The following RCOR1 variants were observed in gnomAD, a reference collection of about 807,000 sequenced individuals.
RCOR1 encodes the protein REST corepressor 1, also known as REST corepressor.
RCOR1 carries 12 observed loss-of-function variants against 64.0 expected under a neutral mutation model. That is an observed-to-expected ratio of 0.19 (90% CI 0.12 to 0.30). The LOEUF is 0.30. Among genes scored for constraint, RCOR1 ranks in the 10% least tolerant of loss-of-function variants. RCOR1 has a pLI of 1.00. For missense variants in RCOR1, 502 were observed against 621.2 expected (o/e 0.81, Z 2.04); for synonymous variants, 279 against 227.2 (o/e 1.23, Z -2.05).
intron 2 of RCOR1, among the ~76,000 whole-genome samples, chr14:102,639,625 C>T (rs1044417421): frequency 2.7e-5 from 4 of 150,576 alleles, no homozygotes; most frequent in African/African-American, 9.8e-5. Flanking sequence ...CTTCCTCCTC[C>T]TGGGTTCAAG....
intron 2 of RCOR1, among the ~76,000 whole-genome samples, chr14:102,666,668 GAA>G (rs1180658459): frequency 6.6e-6 from 1 of 152,140 alleles, no homozygotes; most frequent in East Asian, 1.9e-4. Flanking sequence ...GTACTAATCA[GAA>G]ATTTTGCAGG....
rs539503884 is a variant in RCOR1, at chr14:102,593,967, T to C, written c.361+642T>C. On this transcript the variant is annotated intron_variant, in intron 2 of 11. Coordinates refer to ENST00000262241, the MANE Select transcript of RCOR1 (RefSeq NM_015156.4). Reference sequence around the variant, plus strand: ...TTTGTAAATGTGTGTATTTCCTTTTTTTTGGAGGAAGAGATTGTGAAATTG... The same window carrying C: ...TTTGTAAATGTGTGTATTTCCTTTTCTTTGGAGGAAGAGATTGTGAAATTG... Among the ~76,000 whole-genome samples, 4 of 152,344 alleles carry C rather than the reference T, an allele frequency of 2.6e-5. No individual in the cohort carries two copies. The South Asian group carries it at 6.2e-4, about 24-fold the overall frequency.
chr14:102,634,634 GTGTATATATATATATA>G (rs576386326), intron 2 of RCOR1, among the ~76,000 whole-genome samples: 3,380 of 149,682 alleles, frequency 0.023, 122 homozygotes, highest in African/African-American at 0.074. Context: ...GTGTGTATGT[GTGTATATATATATATA>G]TGTATATATA....
chr14:102,656,874 C>G (rs947689292), intron 2 of RCOR1, among the ~76,000 whole-genome samples: 1 of 151,736 alleles, frequency 6.6e-6, no homozygotes, highest in African/African-American at 2.4e-5. Flanking sequence ...CTTCCAGGTT[C>G]AGGTGATTCT....
At chr14:102,701,383 AAAT>A in intron 4 of RCOR1, 53 bp downstream of exon 4, 1 of 1,339,554 alleles carries the variant, frequency 7.5e-7, no homozygotes, top group East Asian at 2.5e-5. Context: ...ATTTGTAACT[AAAT>A]AATTATATTT....
chr14:102,600,289 G>A (rs989878236), intron 2 of RCOR1, among the ~76,000 whole-genome samples: 19 of 151,282 alleles, frequency 1.3e-4, no homozygotes, highest in African/African-American at 2.9e-4. Context: ...GGGTTTCACC[G>A]TGGTCTTGAT....
intron 4 of RCOR1, among the ~76,000 whole-genome samples, chr14:102,704,293 AAAC>A (rs1319237435): frequency 6.6e-6 from 1 of 152,204 alleles, no homozygotes; most frequent in Non-Finnish European, 1.5e-5. Context: ...TGATGTGAAA[AAAC>A]AACGATTTCC....
At chr14:102,640,275 T>C (rs1031673673) in intron 2 of RCOR1, among the ~76,000 whole-genome samples, 9 of 152,338 alleles carry the variant, frequency 5.9e-5, no homozygotes, top group African/African-American at 2.2e-4. Flanking sequence ...AGCCTAGTCA[T>C]GTTTTTAATT....
intron 2 of RCOR1, among the ~76,000 whole-genome samples, chr14:102,636,119 T>A (rs1894230764): frequency 6.6e-6 from 1 of 150,780 alleles, no homozygotes; most frequent in Admixed American, 6.6e-5. Context: ...TTTGTATTTT[T>A]AGTAGAGATG....
At chr14:102,653,385 A>T (rs1233780348) in intron 2 of RCOR1, among the ~76,000 whole-genome samples, 1 of 151,600 alleles carries the variant, frequency 6.6e-6, no homozygotes, top group African/African-American at 2.4e-5. Flanking sequence ...TGCCCAGCTA[A>T]TTTTTTCTAT....
In RCOR1 at chr14:102,613,757, A is replaced by G. The variant is rs1054291833; in HGVS notation, c.361+20432A>G. On this transcript the variant is annotated intron_variant, in intron 2 of 11. Transcript: ENST00000262241. ...TTTTTTAAAGAGGTGGAGTATAACT[A>G]TGTTGCCCAGGCTGATCTTGAACTC... Among the ~76,000 whole-genome samples, 7 of 144,362 alleles carry G rather than the reference A, an allele frequency of 4.8e-5. No homozygotes were observed. In the East Asian group the frequency reaches 1.0e-3, roughly 21 times the overall value. The allele number at this position is 144,362 out of a possible 152,430, so 94.7% of individuals were successfully genotyped here.
chr14:102,593,242 C>G (rs1364871558), intron 1 of RCOR1, 24 bp from the exon 2 acceptor site: 1 of 1,498,876 alleles, frequency 6.7e-7, no homozygotes, highest in Admixed American at 2.4e-5. Flanking sequence ...CCGCGCTGAC[C>G]GCCGTATTCT....
intron 2 of RCOR1, among the ~76,000 whole-genome samples, chr14:102,631,798 T>C (rs1894117599): frequency 6.6e-6 from 1 of 152,024 alleles, no homozygotes. Flanking sequence ...CTTTTCTTTC[T>C]TTTTTTTCTT....
intron 2 of RCOR1, among the ~76,000 whole-genome samples, chr14:102,627,697 C>T (rs1026630970): frequency 6.6e-6 from 1 of 151,342 alleles, no homozygotes; most frequent in Non-Finnish European, 1.5e-5. Flanking sequence ...AAAAAACAAA[C>T]TTCTTTTGGT....
At chr14:102,710,626 A>T in intron 6 of RCOR1, 1 of 260,504 alleles carries the variant, frequency 3.8e-6, no homozygotes, top group Admixed American at 5.4e-5. Context: ...ATGTAAATGC[A>T]TTTTCATTTT....
chr14:102,649,794 A>G (rs181045279), intron 2 of RCOR1: 26 of 984,494 alleles, frequency 2.6e-5, no homozygotes, highest in Non-Finnish European at 3.1e-5. Flanking sequence ...TGTTTACTGT[A>G]AAAAATCTGG....
At chr14:102,656,697 G>C (rs1006820641) in intron 2 of RCOR1, among the ~76,000 whole-genome samples, 1 of 152,052 alleles carries the variant, frequency 6.6e-6, no homozygotes, top group Middle Eastern at 3.4e-3. Flanking sequence ...TTGAACTTCT[G>C]ACTCAAGCGA....
chr14:102,654,447 G>A lies in RCOR1; in HGVS notation c.362-27448G>A, dbSNP rs1202633861. Reference sequence around the variant, plus strand: ...TGTCATTTAGTATTTGAGTAATGCCGCATAATGGCTGTGGGTTTCCGATGA... The same window carrying A: ...TGTCATTTAGTATTTGAGTAATGCCACATAATGGCTGTGGGTTTCCGATGA... On this transcript the variant is annotated intron_variant, in intron 2 of 11. Transcript: ENST00000262241. Among the ~76,000 whole-genome samples the A allele has an allele frequency of 1.8e-4, 28 of 152,116 alleles. 1 individual carries two copies. The highest frequency in any genetic ancestry group is 1.4e-3 in the Admixed American group (22 of 15,262).
chr14:102,594,453 T>C (rs1019520885), intron 2 of RCOR1, among the ~76,000 whole-genome samples: 1 of 152,188 alleles, frequency 6.6e-6, no homozygotes, highest in African/African-American at 2.4e-5. Flanking sequence ...CAAGCTGTTA[T>C]TAAGGTACTA....
Sources: allele counts gnomAD v4.1 joint callset (sites outside exome capture counted in the v4.1 genomes callset), GRCh38; gene constraint gnomAD v4.1.1; transcripts MANE v1.5; gene names NCBI Gene and HGNC (gene_info 2026-07-23, HGNC 2026-07-21).